GRIK1: variants seen among roughly 807,000 people sequenced by gnomAD.
The protein encoded by GRIK1 is glutamate receptor ionotropic, kainate 1.
In GRIK1, 69 loss-of-function variants were observed where a neutral mutation model predicts 105.7. That is an observed-to-expected ratio of 0.65 (90% CI 0.54 to 0.80). The LOEUF (loss-of-function observed/expected upper bound fraction) is 0.80, where lower values mean the gene tolerates loss of function less well. GRIK1 is among the 30% of genes least tolerant of loss of function. The probability of loss-of-function intolerance (pLI) is 0.00; values close to 1 mark genes in which losing one functional copy is unlikely to be tolerated. For synonymous variants in GRIK1, 438 were observed against 431.3 expected (o/e 1.02, Z -0.19); for missense variants, 1,109 against 1,167.3 (o/e 0.95, Z 0.73).
Position 29,831,374 on chromosome 21 carries a change from C to A in GRIK1, c.118+108009G>T, listed in dbSNP as rs537379520. Reference sequence around the variant, plus strand: ...AGAACTTTTGCATACGCTATGCCTTCTGGCAGAAATATTCTATCTACCCCC... The same window carrying A: ...AGAACTTTTGCATACGCTATGCCTTATGGCAGAAATATTCTATCTACCCCC... On this transcript the variant is annotated intron_variant, in intron 1 of 17. Coordinates refer to ENST00000327783, the MANE Select transcript of GRIK1 (RefSeq NM_001330994.2). Among the ~76,000 whole-genome samples, 5 of 152,260 alleles carry A rather than the reference C, an allele frequency of 3.3e-5. No homozygotes were observed. In the East Asian group the frequency reaches 9.7e-4, roughly 29 times the overall value.
At chr21:29,678,460 A>T (rs555994658) in intron 3 of GRIK1, among the ~76,000 whole-genome samples, 107 of 152,236 alleles carry the variant, frequency 7.0e-4, no homozygotes, top group African/African-American at 2.4e-3. Context: ...AGTGTATTGC[A>T]CTCAGCTCCA....
At chr21:29,831,383 A>G (rs2067632246) in intron 1 of GRIK1, among the ~76,000 whole-genome samples, 1 of 152,154 alleles carries the variant, frequency 6.6e-6, no homozygotes, top group Non-Finnish European at 1.5e-5. Flanking sequence ...TCTGGCAGAA[A>G]TATTCTATCT....
At chr21:29,637,339 T>C (rs916508828) in intron 7 of GRIK1, among the ~76,000 whole-genome samples, 7 of 152,230 alleles carry the variant, frequency 4.6e-5, no homozygotes, top group African/African-American at 1.7e-4. Context: ...TATATCCAGC[T>C]GGAACCTAAT....
intron 3 of GRIK1, among the ~76,000 whole-genome samples, chr21:29,684,252 C>CTGTA: frequency 6.7e-6 from 1 of 149,388 alleles, no homozygotes; most frequent in East Asian, 2.0e-4. Context: ...AATCTATCAT[C>CTGTA]TCTATCTATC....
intron 1 of GRIK1, among the ~76,000 whole-genome samples, chr21:29,768,434 C>T (rs459617): frequency 0.7 from 106,664 of 152,016 alleles, 38,672 homozygotes; most frequent in Middle Eastern, 0.81. Flanking sequence ...GACGATACAA[C>T]GATGCATTAC....
Position 29,654,792 on chromosome 21 carries a change from T to A in GRIK1, c.780+18A>T. ...CGTTTCCTACCATGTGGAATACATT[T>A]CTCCCAGATGCACTTACCAGGGTTG... On this transcript the variant is annotated intron_variant, in intron 5 of 17. Transcript: ENST00000327783. The A allele has an allele frequency of 1.4e-6, 2 of 1,430,918 alleles. No homozygotes were observed. Among genetic ancestry groups the A allele is most frequent in the Non-Finnish European group, 2.0e-6 (2 of 1,012,682 alleles). The allele number at this position is 1,430,918 out of a possible 1,614,324, so 88.6% of individuals were successfully genotyped here.
At chr21:29,728,017 A>G (rs943221264) in intron 1 of GRIK1, among the ~76,000 whole-genome samples, 5 of 152,138 alleles carry the variant, frequency 3.3e-5, no homozygotes, top group Non-Finnish European at 2.9e-5. Flanking sequence ...TAGGCCCTCA[A>G]TGGGTGAGAT....
intron 1 of GRIK1, among the ~76,000 whole-genome samples, chr21:29,901,787 C>G (rs940648100): frequency 6.6e-6 from 1 of 152,158 alleles, no homozygotes; most frequent in Non-Finnish European, 1.5e-5. Flanking sequence ...TCCTCCCAAA[C>G]TCATTTTATG....
chr21:29,924,869 G>A (rs1250604171), intron 1 of GRIK1, among the ~76,000 whole-genome samples: 3 of 152,140 alleles, frequency 2.0e-5, no homozygotes, highest in East Asian at 1.9e-4. Flanking sequence ...CTGGCTCTAA[G>A]TAGAAATGCA....
At chr21:29,861,682 T>G (rs2068645847) in intron 1 of GRIK1, 1 of 457,534 alleles carries the variant, frequency 2.2e-6, no homozygotes, top group African/African-American at 2.0e-5. Context: ...GAATATTGGG[T>G]TTTGCCAAAT....
At chr21:29,599,261 C>T (rs1478696415) in intron 7 of GRIK1, among the ~76,000 whole-genome samples, 1 of 152,188 alleles carries the variant, frequency 6.6e-6, no homozygotes, top group Admixed American at 6.5e-5. Context: ...ATTCTGTTTT[C>T]CAAGGTCAAT....
intron 7 of GRIK1, among the ~76,000 whole-genome samples, chr21:29,616,146 C>A (rs2061845876): frequency 6.6e-6 from 1 of 152,166 alleles, no homozygotes. Context: ...GTCCTGTTCT[C>A]TAGTGAATCA....
At position 29,577,068 on chromosome 21, in the gene GRIK1, CT is replaced by C; in HGVS notation, c.2025del (p.Val676Ter). 6.2e-7 allele frequency: 1 copy of C among 1,612,974 alleles called. No homozygotes were observed. Among genetic ancestry groups the C allele is most frequent in the South Asian group, 1.1e-5 (1 of 91,052 alleles). ...TCTATGGGGGATTCCATTCTCTCTA[CT>C]GTCAAGAAGGCAGCCAGATTGGCCG... ...SYTANLAAFL[T>X]VERMESPIDS... On this transcript the variant is annotated frameshift_variant, in exon 14 of 18. Coordinates refer to ENST00000327783, the MANE Select transcript of GRIK1 (RefSeq NM_001330994.2). LOFTEE classifies it high-confidence loss of function.
At chr21:29,654,756 CTG>C in intron 5 of GRIK1, 52 bp downstream of exon 5, 1 of 990,318 alleles carries the variant, frequency 1.0e-6, no homozygotes. Context: ...TCTGAAATAA[CTG>C]TGTGAAGACG....
At chr21:29,867,698 G>A (rs2068844984) in intron 1 of GRIK1, among the ~76,000 whole-genome samples, 1 of 152,074 alleles carries the variant, frequency 6.6e-6, no homozygotes, top group African/African-American at 2.4e-5. Flanking sequence ...GGAAGCTGAG[G>A]CAGGAGAATC....
intron 8 of GRIK1, chr21:29,597,448 G>T: frequency 4.5e-6 from 1 of 223,000 alleles, no homozygotes. Flanking sequence ...CCCCTTCAGT[G>T]CTATACATAA....
intron 14 of GRIK1, among the ~76,000 whole-genome samples, chr21:29,573,606 T>C (rs1364977808): frequency 1.3e-5 from 2 of 151,740 alleles, no homozygotes; most frequent in Non-Finnish European, 2.9e-5. Flanking sequence ...TTCCAGCACT[T>C]TGGGAGGCCG....
In GRIK1 at chr21:29,835,102, G is replaced by A. The variant is rs551136742; in HGVS notation, c.118+104281C>T. Reference sequence around the variant, plus strand: ...CCTCTGTTTAGGCTTCTTCTGGACCGCACTTAACTCAATATTATTTTTCTT... The same window carrying A: ...CCTCTGTTTAGGCTTCTTCTGGACCACACTTAACTCAATATTATTTTTCTT... On this transcript the variant is annotated intron_variant, in intron 1 of 17. Transcript: ENST00000327783. 9.2e-5 allele frequency among the ~76,000 whole-genome samples: 14 copies of A among 152,108 alleles called. No homozygotes were observed. In the South Asian group the frequency reaches 1.7e-3, roughly 18 times the overall value.
rs777528983 is a variant in GRIK1 at position 29,673,155 on chromosome 21, C to T, written c.554G>A (p.Arg185His). 1.7e-5 allele frequency: 27 copies of T among 1,604,602 alleles called. No homozygotes were observed. The highest frequency in any genetic ancestry group is 4.0e-5 in the African/African-American group (3 of 74,532). ...GGGAGCTTTGATGAGCTCTTGTAGA[C>T]GAATTAGACCTAGAAAATGACATGC... The part of the protein sequence containing the change: ...VVYEDSTGLI[R>H]LQELIKAPSR... Residue 185 changes from arginine to histidine, a missense_variant, in exon 4 of 18, where the codon CGT (arginine) becomes CAT (histidine). Arg to His is a conservative substitution (Grantham distance 29). Transcript: ENST00000327783.
Sources: allele counts gnomAD v4.1 joint callset (sites outside exome capture counted in the v4.1 genomes callset), GRCh38; gene constraint gnomAD v4.1.1; transcripts MANE v1.5; gene names NCBI Gene and HGNC (gene_info 2026-07-23, HGNC 2026-07-21).